The following RIC8B variants were observed in gnomAD, a reference collection of about 807,000 sequenced individuals.
RIC8B encodes RIC8 guanine nucleotide exchange factor B, also known as chaperone Ric-8B.
RIC8B carries 16 observed loss-of-function variants against 57.5 expected under a neutral mutation model. That is an observed-to-expected ratio of 0.28 (90% CI 0.19 to 0.42). The LOEUF (loss-of-function observed/expected upper bound fraction) is 0.42, where lower values mean the gene tolerates loss of function less well. Among genes scored for constraint, RIC8B ranks in the 10% least tolerant of loss-of-function variants. The pLI, the probability that RIC8B is intolerant of heterozygous loss-of-function variation, is 1.00. For synonymous variants in RIC8B, 216 were observed against 250.8 expected (o/e 0.86, Z 1.31); for missense variants, 481 against 677.0 (o/e 0.71, Z 3.21).
chr12:106,793,232 C>G (rs1430744602), intron 2 of RIC8B, among the ~76,000 whole-genome samples: 1 of 152,018 alleles, frequency 6.6e-6, no homozygotes. Flanking sequence ...AGCTGTCAGC[C>G]CTAAAGTGAG....
At chr12:106,808,002 T>A (rs1161785077) in intron 2 of RIC8B, among the ~76,000 whole-genome samples, 1 of 151,536 alleles carries the variant, frequency 6.6e-6, no homozygotes, top group Non-Finnish European at 1.5e-5. Context: ...GGAGAATCGC[T>A]TGAACCTGGG....
chr12:106,787,828 T>C (rs969107596), intron 2 of RIC8B, among the ~76,000 whole-genome samples: 7 of 152,154 alleles, frequency 4.6e-5, no homozygotes, highest in Non-Finnish European at 1.0e-4. Flanking sequence ...GAGGTTTGGG[T>C]GAGGACACAG....
chr12:106,834,701 C>T (rs957995559), intron 4 of RIC8B, among the ~76,000 whole-genome samples: 3 of 152,086 alleles, frequency 2.0e-5, no homozygotes, highest in Non-Finnish European at 4.4e-5. Context: ...AAAACTATTT[C>T]GGCCGGGTGT....
chr12:106,803,193 CAA>C (rs1340989968), intron 2 of RIC8B, among the ~76,000 whole-genome samples: 1 of 102,444 alleles, frequency 9.8e-6, no homozygotes, highest in East Asian at 3.2e-4. Flanking sequence ...GCCTGGGTGA[CAA>C]GAGTGATGAT....
chr12:106,883,072 C>A (rs112707965), intron 9 of RIC8B, among the ~76,000 whole-genome samples: 1 of 151,908 alleles, frequency 6.6e-6, no homozygotes, highest in Non-Finnish European at 1.5e-5. Context: ...AGTAGCTAGC[C>A]CCAGAATCAT....
At chr12:106,818,147 C>T (rs569000601) in intron 3 of RIC8B, among the ~76,000 whole-genome samples, 68 of 152,064 alleles carry the variant, frequency 4.5e-4, no homozygotes, top group African/African-American at 1.4e-3. Flanking sequence ...CCTGTAAACT[C>T]ACCACTCAAA....
At chr12:106,835,009 A>AAAT (rs1555255517) in intron 4 of RIC8B, among the ~76,000 whole-genome samples, 15 of 149,650 alleles carry the variant, frequency 1.0e-4, no homozygotes, top group African/African-American at 3.7e-4. Flanking sequence ...AAAAAAAAAA[A>AAAT]GTAGAACTCT....
chr12:106,852,163 T>C (rs1949505062), intron 7 of RIC8B, among the ~76,000 whole-genome samples: 1 of 152,264 alleles, frequency 6.6e-6, no homozygotes, highest in Non-Finnish European at 1.5e-5. Flanking sequence ...TCTATAAGTG[T>C]ATATAAAGTG....
At chr12:106,788,129 A>T (rs2044114779) in intron 2 of RIC8B, among the ~76,000 whole-genome samples, 1 of 152,204 alleles carries the variant, frequency 6.6e-6, no homozygotes, top group Non-Finnish European at 1.5e-5. Flanking sequence ...TACAGGGCCC[A>T]TGCAAGTCTG....
At position 106,879,289 on chromosome 12, in the gene RIC8B, A is replaced by G; in HGVS notation, c.1572-6615A>G. On this transcript the variant is annotated intron_variant, in intron 9 of 9. Transcript: ENST00000392837. The surrounding 1 kb of genome is among the most constrained non-coding windows in gnomAD (Gnocchi z 4.9). Reference sequence around the variant, plus strand: ...TGGGCAAGAGTATTCTCTTGCTTTCAGGTCAAGTAAAGTGTTTTATACACA... The same window carrying G: ...TGGGCAAGAGTATTCTCTTGCTTTCGGGTCAAGTAAAGTGTTTTATACACA... 1 of 985,376 alleles carries G rather than the reference A, an allele frequency of 1.0e-6. No homozygotes were observed. Among genetic ancestry groups the G allele is most frequent in the Non-Finnish European group, 1.2e-6 (1 of 829,896 alleles). The allele number at this position is 985,376 out of a possible 1,614,324, so 61.0% of individuals were successfully genotyped here.
rs1950836572 is a variant in RIC8B, at chr12:106,879,665, T to C, written c.1572-6239T>C. ...GGTTAGGCTGGGGCAAAATAGGGTT[T>C]CCTTTCTTGGACGTGCTTTATCTGT... On this transcript the variant is annotated intron_variant, in intron 9 of 9. Transcript: ENST00000392837. The surrounding 1 kb of genome is among the most constrained non-coding windows in gnomAD (Gnocchi z 4.9). 1 of 985,472 alleles carries C rather than the reference T, an allele frequency of 1.0e-6. No homozygotes were observed. The highest frequency in any genetic ancestry group is 1.2e-6 in the Non-Finnish European group (1 of 829,940). The allele number at this position is 985,472 out of a possible 1,614,324, so 61.0% of individuals were successfully genotyped here.
chr12:106,780,611 G>T (rs1408600498), intron 1 of RIC8B, among the ~76,000 whole-genome samples: 3 of 152,176 alleles, frequency 2.0e-5, no homozygotes, highest in Non-Finnish European at 4.4e-5. Context: ...TGTTTAGTGG[G>T]CTGTTCCTTT....
Position 106,774,796 on chromosome 12 carries a change from T to A in RIC8B, c.51T>A (p.Ala17=). Residue 17 remains alanine (A), a synonymous_variant, in exon 1 of 10, where the codon GCT becomes GCA. Coordinates refer to ENST00000392837, the MANE Select transcript of RIC8B (RefSeq NM_001330145.2). ...LYIVRAGEAG[A]IERVLRDYSD... ...TCGTCCGGGCCGGCGAAGCAGGGGC[T>A]ATCGAGCGGGTCCTGAGGGATTACA... 6.4e-7 allele frequency: 1 copy of A among 1,554,168 alleles called. No homozygotes were observed. Among genetic ancestry groups the A allele is most frequent in the Non-Finnish European group, 8.7e-7 (1 of 1,148,336 alleles).
At chr12:106,831,672 A>G (rs1028913486) in intron 4 of RIC8B, among the ~76,000 whole-genome samples, 1 of 152,248 alleles carries the variant, frequency 6.6e-6, no homozygotes, top group Non-Finnish European at 1.5e-5. Context: ...TTCAGGGCAG[A>G]ATATCATGCT....
chr12:106,807,773 C>G (rs542597997), intron 2 of RIC8B, among the ~76,000 whole-genome samples: 49 of 152,234 alleles, frequency 3.2e-4, no homozygotes, highest in Middle Eastern at 3.4e-3. Context: ...TCCATAGATT[C>G]AACCAACAGA....
intron 1 of RIC8B, among the ~76,000 whole-genome samples, chr12:106,778,009 A>G (rs113413202): frequency 1.6e-4 from 25 of 152,200 alleles, no homozygotes; most frequent in Non-Finnish European, 3.1e-4. Flanking sequence ...AATGGAGATA[A>G]TAATAGTAAC....
At position 106,887,231 on chromosome 12, in the gene RIC8B, T is replaced by C. The variant is rs1311606633; in HGVS notation, c.*1216T>C. 6.6e-6 allele frequency: 1 copy of C among 152,626 alleles called. No homozygotes were observed. Among genetic ancestry groups the C allele is most frequent in the Non-Finnish European group, 1.5e-5 (1 of 68,032 alleles). The allele number at this position is 152,626 out of a possible 1,614,324, so 9.5% of individuals were successfully genotyped here. On this transcript the variant is annotated 3_prime_UTR_variant, in exon 10 of 10. Coordinates refer to ENST00000392837, the MANE Select transcript of RIC8B (RefSeq NM_001330145.2). The stretch of plus-strand genomic sequence containing the variant: ...ATATATACATATATACATAATGTGC[T>C]TAACCACTGCCTTTTAAAACTTTAA...
chr12:106,780,778 A>G (rs576884504), intron 1 of RIC8B, among the ~76,000 whole-genome samples: 67 of 152,366 alleles, frequency 4.4e-4, no homozygotes, highest in African/African-American at 1.4e-3. Flanking sequence ...TTAGAAATCT[A>G]TGAAATTATT....
At position 106,815,235 on chromosome 12, in the gene RIC8B, A is replaced by G. The variant is rs373356550; in HGVS notation, c.672A>G (p.Thr224=). Reference sequence around the variant, plus strand: ...GACCTCCTCTCTCACCTCAGGAGACAGACTGTGCCATTGAGGCCCTCAAAG... The same window carrying G: ...GACCTCCTCTCTCACCTCAGGAGACGGACTGTGCCATTGAGGCCCTCAAAG... ...HNGPPLSPQE[T]DCAIEALKAL... The change falls in exon 3 of 10, where the codon ACA becomes ACG. Residue 224 remains threonine, a synonymous_variant. Coordinates refer to ENST00000392837, the MANE Select transcript of RIC8B (RefSeq NM_001330145.2). 1 of 1,614,088 alleles carries G rather than the reference A, an allele frequency of 6.2e-7. No individual in the cohort carries two copies. Among genetic ancestry groups the G allele is most frequent in the African/African-American group, 1.3e-5 (1 of 74,938 alleles).
Sources: gnomAD v4.1 joint callset for allele counts (sites outside exome capture counted in the v4.1 genomes callset) on GRCh38, gnomAD v4.1.1 for gene constraint, Gnocchi (gnomAD v3.1) non-coding constraint, MANE v1.5 for transcripts, NCBI Gene and HGNC (gene_info 2026-07-23, HGNC 2026-07-21) for gene names.